The following ACSL1 variants were observed in gnomAD, a reference collection of about 807,000 sequenced individuals.
ACSL1 encodes acyl-CoA synthetase long chain family member 1.
A neutral mutation model predicts 98.4 loss-of-function variants in ACSL1; 41 were observed. The observed-to-expected ratio is 0.42, with a 90% CI of 0.32 to 0.54. The LOEUF (loss-of-function observed/expected upper bound fraction) is 0.54, where lower values mean the gene tolerates loss of function less well. Among genes scored for constraint, ACSL1 ranks in the 20% least tolerant of loss-of-function variants. The probability of loss-of-function intolerance (pLI) is 0.13; values close to 1 mark genes in which losing one functional copy is unlikely to be tolerated. For synonymous variants in ACSL1, 316 were observed against 322.7 expected (o/e 0.98, Z 0.22); for missense variants, 734 against 883.1 (o/e 0.83, Z 2.14).
At chr4:184,820,259 C>T (rs1009084486) in intron 1 of ACSL1, among the ~76,000 whole-genome samples, 198 of 151,922 alleles carry the variant, frequency 1.3e-3, no homozygotes, top group Admixed American at 3.2e-3. Context: ...CCTCATGATC[C>T]GCCCACCTCG....
chr4:184,812,274 T>A, intron 1 of ACSL1: 2 of 974,368 alleles, frequency 2.1e-6, no homozygotes, highest in African/African-American at 1.7e-5. Flanking sequence ...CAAGGACAGG[T>A]GCTTAACAAA....
chr4:184,799,626 T>C (rs865780167), intron 2 of ACSL1, among the ~76,000 whole-genome samples: 6 of 152,176 alleles, frequency 3.9e-5, no homozygotes, highest in African/African-American at 1.4e-4. Context: ...GGTGGGAGGA[T>C]TGTTTGAGCC....
At position 184,766,680 on chromosome 4, in the gene ACSL1, C is replaced by A. The variant is rs1329587620; in HGVS notation, c.1205G>T (p.Arg402Leu). 6.2e-7 allele frequency: 1 copy of A among 1,614,170 alleles called. No homozygotes were observed. Among genetic ancestry groups the A allele is most frequent in the African/African-American group, 1.3e-5 (1 of 75,052 alleles). Residue 402 changes from arginine to leucine, a missense_variant, in exon 13 of 21, where the codon CGC becomes CTC. Transcript: ENST00000281455. This position sits in a 1 kb window ranked among gnomAD's most constrained non-coding sequence, Gnocchi z 4.8. Reference sequence around the variant, plus strand: ...GCTGTTGTTTCTGATGATGCCGCTGCGAAGCTCTGCTTCTTTCCTCTTGGA... The same window carrying A: ...GCTGTTGTTTCTGATGATGCCGCTGAGAAGCTCTGCTTCTTTCCTCTTGGA... Reference protein sequence around the residue: ...FASKRKEAELRSGIIRNNSLW... With the variant: ...FASKRKEAELLSGIIRNNSLW...
chr4:184,811,323 A>G (rs542019215), intron 1 of ACSL1, among the ~76,000 whole-genome samples: 83 of 152,120 alleles, frequency 5.5e-4, no homozygotes, highest in African/African-American at 1.4e-3. Flanking sequence ...CGTGTTGGCC[A>G]GGATGGTCTC....
At chr4:184,771,728 G>C (rs563246816) in intron 10 of ACSL1, among the ~76,000 whole-genome samples, 1 of 152,310 alleles carries the variant, frequency 6.6e-6, no homozygotes, top group South Asian at 2.1e-4. Context: ...TCGTTACCTA[G>C]GGGATGATAT....
At chr4:184,818,892 T>TTAAC (rs1233589513) in intron 1 of ACSL1, among the ~76,000 whole-genome samples, 1 of 152,158 alleles carries the variant, frequency 6.6e-6, no homozygotes, top group African/African-American at 2.4e-5. Flanking sequence ...GCCCCATGTA[T>TTAAC]TAACCCTTTA....
chr4:184,793,570 T>G (rs1768796108), intron 2 of ACSL1, among the ~76,000 whole-genome samples: 1 of 152,238 alleles, frequency 6.6e-6, no homozygotes, highest in African/African-American at 2.4e-5. Flanking sequence ...CAAATGGGCA[T>G]CTGCCAGCCA....
At chr4:184,811,359 G>C (rs113657652) in intron 1 of ACSL1, among the ~76,000 whole-genome samples, 3 of 152,122 alleles carry the variant, frequency 2.0e-5, no homozygotes, top group Middle Eastern at 6.8e-3. Flanking sequence ...TGATCTGCCC[G>C]CCTTGGCCTC....
At chr4:184,808,967 C>G (rs144717826) in intron 1 of ACSL1, among the ~76,000 whole-genome samples, 1 of 152,188 alleles carries the variant, frequency 6.6e-6, no homozygotes, top group Admixed American at 6.5e-5. Flanking sequence ...ACTTTGGGAT[C>G]CCATAACAAA....
rs182451449 is a variant in ACSL1 at position 184,756,434 on chromosome 4, G to A, written c.*691C>T. ...TTCTGCCATGAAAGAGAATCCACGCGTTCTGATGAGCACCCATTTGCCAGA... is the reference window on the plus strand; with the variant it reads ...TTCTGCCATGAAAGAGAATCCACGCATTCTGATGAGCACCCATTTGCCAGA... On this transcript the variant is annotated 3_prime_UTR_variant, in exon 21 of 21. Transcript: ENST00000281455. 1.6e-3 allele frequency: 244 copies of A among 152,696 alleles called. No homozygotes were observed. The highest frequency in any genetic ancestry group is 9.4e-4 in the Non-Finnish European group (64 of 68,034). 9.5% of individuals were successfully genotyped at this position (152,696 alleles called of 1,614,324 possible).
At chr4:184,788,098 T>C (rs1008616503) in intron 3 of ACSL1, among the ~76,000 whole-genome samples, 3 of 152,136 alleles carry the variant, frequency 2.0e-5, no homozygotes, top group Non-Finnish European at 4.4e-5. Flanking sequence ...GAGGGCCCTA[T>C]ACAGGAGGCC....
intron 18 of ACSL1, among the ~76,000 whole-genome samples, chr4:184,759,211 G>A (rs565601425): frequency 9.2e-5 from 14 of 152,228 alleles, no homozygotes; most frequent in African/African-American, 2.2e-4. Flanking sequence ...ATAAACATAC[G>A]TGTGCATGTG....
chr4:184,773,193 G>A lies in ACSL1; in HGVS notation c.842-39C>T. ...ATGAAGCAGAACAAAGTTAAAGAAT[G>A]ACAGAAATGAAGGAGGCCCAGAAAC... On this transcript the variant is annotated intron_variant, in intron 9 of 20. Coordinates refer to ENST00000281455, the MANE Select transcript of ACSL1 (RefSeq NM_001995.5). The surrounding 1 kb of genome is among the most constrained non-coding windows in gnomAD (Gnocchi z 4.3). 1 of 1,573,062 alleles carries A rather than the reference G, an allele frequency of 6.4e-7. No individual in the cohort carries two copies. Among genetic ancestry groups the A allele is most frequent in the Non-Finnish European group, 8.7e-7 (1 of 1,144,028 alleles).
chr4:184,807,817 C>G (rs1218075973), intron 1 of ACSL1, among the ~76,000 whole-genome samples: 1 of 152,134 alleles, frequency 6.6e-6, no homozygotes, highest in Non-Finnish European at 1.5e-5. Context: ...ATAAGCCTTC[C>G]CCAGGATGTT....
At chr4:184,758,097 T>C (rs1483836559) in intron 18 of ACSL1, 177 bp from the exon 19 acceptor site, 1 of 588,076 alleles carries the variant, frequency 1.7e-6, no homozygotes, top group Non-Finnish European at 2.9e-6. Flanking sequence ...TAAGAACTCC[T>C]GGCTCTAAAA....
intron 2 of ACSL1, among the ~76,000 whole-genome samples, chr4:184,802,372 G>C (rs550943837): frequency 1.4e-4 from 21 of 152,252 alleles, no homozygotes; most frequent in Admixed American, 7.8e-4. Context: ...CCGGGGGGGT[G>C]GGGGAGGCCT....
At chr4:184,792,586 G>A (rs183714745) in intron 2 of ACSL1, among the ~76,000 whole-genome samples, 4 of 152,198 alleles carry the variant, frequency 2.6e-5, no homozygotes, top group South Asian at 2.1e-4. Context: ...CCACAGACAC[G>A]TGCCACCTTG....
intron 1 of ACSL1, chr4:184,821,104 C>G (rs1239443677): frequency 2.2e-6 from 1 of 456,310 alleles, no homozygotes; most frequent in East Asian, 6.9e-5. Flanking sequence ...GTTAACCCAT[C>G]AGAAGCTTAG....
chr4:184,784,379 T>C (rs1242971168), intron 3 of ACSL1, among the ~76,000 whole-genome samples: 1 of 152,154 alleles, frequency 6.6e-6, no homozygotes, highest in Non-Finnish European at 1.5e-5. Flanking sequence ...TCATCAAAAC[T>C]TTTCAAGAAG....
Sources: gnomAD v4.1 joint callset for allele counts (sites outside exome capture counted in the v4.1 genomes callset) on GRCh38, gnomAD v4.1.1 for gene constraint, Gnocchi (gnomAD v3.1) non-coding constraint, MANE v1.5 for transcripts, NCBI Gene and HGNC (gene_info 2026-07-23, HGNC 2026-07-21) for gene names.